Variants in PRKN observed in about 807,000 individuals in gnomAD.
PRKN encodes the protein E3 ubiquitin-protein ligase parkin.
A neutral mutation model predicts 59.5 loss-of-function variants in PRKN; 56 were observed. The observed-to-expected ratio is 0.94, with a 90% CI of 0.76 to 1.18. PRKN has a LOEUF of 1.18. Among genes scored for constraint, PRKN ranks in the 50% most tolerant of loss-of-function variants. PRKN has a pLI of 0.00. For missense variants in PRKN, 657 were observed against 596.4 expected (o/e 1.10, Z -1.06); for synonymous variants, 250 against 222.1 (o/e 1.13, Z -1.12).
intron 7 of PRKN, among the ~76,000 whole-genome samples, chr6:161,642,983 T>C (rs1488402141): frequency 6.6e-6 from 1 of 152,188 alleles, no homozygotes; most frequent in African/African-American, 2.4e-5. Context: ...TAGTTTCTGG[T>C]TTCAATTTCT....
Position 162,010,844 on chromosome 6 carries a change from CATA to C in PRKN, c.619-37430_619-37428del, listed in dbSNP as rs1157226822. On this transcript the variant is annotated intron_variant, in intron 5 of 11. Transcript: ENST00000366898. ...AATATATACAATATATTATATAATA[CATA>C]ATATTAATATATATAATATATTATA... Among the ~76,000 whole-genome samples the C allele has an allele frequency of 1.1e-3, 5 of 4,368 alleles. 1 individual carries two copies. Among genetic ancestry groups the C allele is most frequent in the Admixed American group, 9.6e-3 (1 of 104 alleles). 2.9% of individuals were successfully genotyped at this position (4,368 alleles called of 152,430 possible). A position where few individuals can be genotyped will look rare whatever the true frequency, so the allele number is the denominator to read the frequency against.
At chr6:162,094,767 T>C (rs1378272506) in intron 4 of PRKN, among the ~76,000 whole-genome samples, 1 of 152,212 alleles carries the variant, frequency 6.6e-6, no homozygotes, top group Admixed American at 6.5e-5. Context: ...TCCCACGACT[T>C]AGTTTGCCCA....
chr6:161,925,136 T>A (rs1778919367), intron 6 of PRKN, among the ~76,000 whole-genome samples: 1 of 152,148 alleles, frequency 6.6e-6, no homozygotes, highest in African/African-American at 2.4e-5. Context: ...TTTCCCAAAT[T>A]TTTCCTTATA....
At chr6:161,818,963 G>T (rs1791905508) in intron 6 of PRKN, among the ~76,000 whole-genome samples, 1 of 152,154 alleles carries the variant, frequency 6.6e-6, no homozygotes. Context: ...CTGTGGTTAG[G>T]CCTGGAGACA....
intron 1 of PRKN, among the ~76,000 whole-genome samples, chr6:162,534,143 A>T (rs992216983): frequency 6.6e-6 from 1 of 152,182 alleles, no homozygotes; most frequent in East Asian, 1.9e-4. Context: ...CCTATTGAAG[A>T]AAAGGCAAAT....
At chr6:161,741,877 T>A (rs1009030998) in intron 7 of PRKN, among the ~76,000 whole-genome samples, 3 of 152,170 alleles carry the variant, frequency 2.0e-5, no homozygotes, top group Non-Finnish European at 4.4e-5. Context: ...GATAATTGAA[T>A]CATGGGGGTG....
At chr6:162,546,827 G>A (rs1453521321) in intron 1 of PRKN, among the ~76,000 whole-genome samples, 1 of 152,140 alleles carries the variant, frequency 6.6e-6, no homozygotes, top group Non-Finnish European at 1.5e-5. Context: ...AAGACAGTCA[G>A]TGTGTCAGAC....
At chr6:162,575,468 A>C (rs1780519408) in intron 1 of PRKN, among the ~76,000 whole-genome samples, 1 of 152,136 alleles carries the variant, frequency 6.6e-6, no homozygotes, top group Non-Finnish European at 1.5e-5. Flanking sequence ...GCTTCCTGAG[A>C]GCACATGCCG....
chr6:162,281,780 A>C lies in PRKN; in HGVS notation c.172-19015T>G, dbSNP rs536469079. Among the ~76,000 whole-genome samples, 295 of 152,318 alleles carry C rather than the reference A, an allele frequency of 1.9e-3. 1 individual carries two copies. Among genetic ancestry groups the C allele is most frequent in the African/African-American group, 6.8e-3 (284 of 41,568 alleles). ...AATACCCAAAATACTGACTTTGTAGAATCCTAAAATCCAGTTATGCAGTCT... is the reference window on the plus strand; with the variant it reads ...AATACCCAAAATACTGACTTTGTAGCATCCTAAAATCCAGTTATGCAGTCT... On this transcript the variant is annotated intron_variant, in intron 2 of 11. Coordinates refer to ENST00000366898, the MANE Select transcript of PRKN (RefSeq NM_004562.3).
chr6:162,024,508 A>C (rs1200366551), intron 5 of PRKN, among the ~76,000 whole-genome samples: 1 of 152,124 alleles, frequency 6.6e-6, no homozygotes, highest in African/African-American at 2.4e-5. Context: ...ACTTATTTCT[A>C]TTTTAAATTT....
Position 162,201,134 on chromosome 6 carries a change from G to A in PRKN, c.531C>T (p.Thr177=), listed in dbSNP as rs140590552. ...STCRQATLTL[T]QGPSCWDDVL... ...TGCTGACACTGCATTTCCTTACCTG[G>A]GTCAAGGTGAGCGTTGCCTGCCTGC... is the stretch of plus-strand genomic sequence containing the variant. Residue 177 remains threonine (T), a synonymous_variant, in exon 4 of 12, where the codon ACC becomes ACT. Coordinates refer to ENST00000366898, the MANE Select transcript of PRKN (RefSeq NM_004562.3). The A allele has an allele frequency of 6.2e-7, 1 of 1,614,032 alleles. No individual in the cohort carries two copies. The highest frequency in any genetic ancestry group is 8.5e-7 in the Non-Finnish European group (1 of 1,179,968).
chr6:162,466,530 G>A (rs1791423452), intron 1 of PRKN, among the ~76,000 whole-genome samples: 1 of 151,936 alleles, frequency 6.6e-6, no homozygotes, highest in African/African-American at 2.4e-5. Flanking sequence ...TCAAGAGTAA[G>A]CAGGACAATA....
chr6:162,141,975 T>A (rs576439234), intron 4 of PRKN, among the ~76,000 whole-genome samples: 1 of 152,188 alleles, frequency 6.6e-6, no homozygotes, highest in East Asian at 1.9e-4. Context: ...CAATGCACCA[T>A]TGTAAGCTGT....
chr6:162,267,750 C>T (rs1337059578), intron 2 of PRKN, among the ~76,000 whole-genome samples: 1 of 152,066 alleles, frequency 6.6e-6, no homozygotes, highest in Non-Finnish European at 1.5e-5. Context: ...CTTGGGCTTT[C>T]TGTCTATAGG....
At chr6:162,264,370 C>T (rs1239515807) in intron 2 of PRKN, among the ~76,000 whole-genome samples, 2 of 152,138 alleles carry the variant, frequency 1.3e-5, no homozygotes, top group African/African-American at 4.8e-5. Flanking sequence ...TCCAAGAACA[C>T]TCAAGTGAAA....
At chr6:162,362,717 CAACT>C (rs995843468) in intron 2 of PRKN, among the ~76,000 whole-genome samples, 1 of 152,024 alleles carries the variant, frequency 6.6e-6, no homozygotes, top group African/African-American at 2.4e-5. Context: ...CTTCCAAAAC[CAACT>C]GTGAACAAGC....
intron 6 of PRKN, among the ~76,000 whole-genome samples, chr6:161,942,385 G>C (rs867936163): frequency 9.9e-5 from 15 of 152,200 alleles, no homozygotes; most frequent in Middle Eastern, 3.4e-3. Flanking sequence ...ACAAAAATTA[G>C]CTGGGCGTGG....
intron 7 of PRKN, among the ~76,000 whole-genome samples, chr6:161,718,955 T>C (rs1482833768): frequency 6.6e-6 from 1 of 152,206 alleles, no homozygotes; most frequent in Non-Finnish European, 1.5e-5. Context: ...AGCAGGCTAA[T>C]TACATTCCAA....
At chr6:161,669,497 T>C (rs573190413) in intron 7 of PRKN, among the ~76,000 whole-genome samples, 1 of 152,332 alleles carries the variant, frequency 6.6e-6, no homozygotes, top group African/African-American at 2.4e-5. Flanking sequence ...TGTGAAATCT[T>C]ATTAATGTCA....
Sources: gnomAD v4.1 joint callset for allele counts (sites outside exome capture counted in the v4.1 genomes callset) on GRCh38, gnomAD v4.1.1 for gene constraint, MANE v1.5 for transcripts, NCBI Gene and HGNC (gene_info 2026-07-23, HGNC 2026-07-21) for gene names.